Variants in GRIK1 observed in about 807,000 individuals in gnomAD.
GRIK1 encodes the protein glutamate ionotropic receptor kainate type subunit 1, also known as glutamate receptor ionotropic, kainate 1.
Under a neutral mutation model 105.7 loss-of-function variants are expected in GRIK1, and 69 were observed. The observed-to-expected ratio is 0.65, with a 90% CI of 0.54 to 0.80. The LOEUF is 0.80. Ranked by LOEUF, GRIK1 falls within the 30% of genes least tolerant of loss-of-function variation. The pLI is 0.00. For synonymous variants in GRIK1, 438 were observed against 431.3 expected, an observed-to-expected ratio of 1.02 and a Z score of -0.19; for missense variants, 1,109 against 1,167.3, an observed-to-expected ratio of 0.95 and a Z score of 0.73.
At chr21:29,909,272 A>G (rs898796132) in intron 1 of GRIK1, among the ~76,000 whole-genome samples, 41 of 152,078 alleles carry the variant, frequency 2.7e-4, no homozygotes, top group African/African-American at 8.9e-4. Context: ...CAAGAAAATC[A>G]TTTTACTGGC....
chr21:29,581,261 G>C (rs1446360392), intron 13 of GRIK1, among the ~76,000 whole-genome samples, 164 bp downstream of exon 13: 1 of 152,044 alleles, frequency 6.6e-6, no homozygotes, highest in Non-Finnish European at 1.5e-5. Context: ...TAGGTCATTG[G>C]TTTTGCTTCA....
intron 1 of GRIK1, among the ~76,000 whole-genome samples, chr21:29,899,410 A>T (rs1038321895): frequency 6.6e-6 from 1 of 152,120 alleles, no homozygotes; most frequent in Non-Finnish European, 1.5e-5. Context: ...GGCCTAATGG[A>T]TGTTTTAAAT....
At position 29,575,302 on chromosome 21, in the gene GRIK1, A is replaced by G. The variant is rs78220305; in HGVS notation, c.2130+1662T>C. Reference sequence around the variant, plus strand: ...ACAGTCCACTCAAAAAATAATAGACATTGGAGACTCAGAAGGGTGGGAGGG... The same window carrying G: ...ACAGTCCACTCAAAAAATAATAGACGTTGGAGACTCAGAAGGGTGGGAGGG... On this transcript the variant is annotated intron_variant, in intron 14 of 17. Coordinates refer to ENST00000327783, the MANE Select transcript of GRIK1 (RefSeq NM_001330994.2). Among the ~76,000 whole-genome samples, 135 of 151,956 alleles carry G rather than the reference A, an allele frequency of 8.9e-4. 3 individuals are homozygous for G. The East Asian group carries it at 0.02, about 23-fold the overall frequency.
At chr21:29,727,446 G>T (rs1051533437) in intron 1 of GRIK1, among the ~76,000 whole-genome samples, 1 of 152,092 alleles carries the variant, frequency 6.6e-6, no homozygotes, top group African/African-American at 2.4e-5. Context: ...ATTCTGTGCT[G>T]TCTGCAGTAG....
At chr21:29,706,660 T>G (rs2063914435) in intron 1 of GRIK1, among the ~76,000 whole-genome samples, 1 of 152,184 alleles carries the variant, frequency 6.6e-6, no homozygotes, top group South Asian at 2.1e-4. Context: ...AATACAGATA[T>G]CCAAGAAAGC....
intron 1 of GRIK1, among the ~76,000 whole-genome samples, chr21:29,769,714 T>A (rs1285744740): frequency 6.6e-6 from 1 of 151,996 alleles, no homozygotes; most frequent in Admixed American, 6.6e-5. Context: ...GGACTGGGGA[T>A]CCCTGATACA....
chr21:29,579,706 G>A (rs1473723336), intron 13 of GRIK1, among the ~76,000 whole-genome samples: 1 of 152,068 alleles, frequency 6.6e-6, no homozygotes, highest in Non-Finnish European at 1.5e-5. Flanking sequence ...TGTTGCACCT[G>A]ACAAATGTTT....
intron 1 of GRIK1, among the ~76,000 whole-genome samples, chr21:29,831,230 C>G (rs547192360): frequency 3.5e-4 from 54 of 152,290 alleles, no homozygotes; most frequent in African/African-American, 1.3e-3. Flanking sequence ...GAGCAGCCCA[C>G]TTGGTACTGT....
At chr21:29,781,739 C>T (rs1310907317) in intron 1 of GRIK1, among the ~76,000 whole-genome samples, 1 of 118,460 alleles carries the variant, frequency 8.4e-6, no homozygotes, top group African/African-American at 2.8e-5. Context: ...GGCGCAATCT[C>T]GGCTCACTGC....
At chr21:29,752,098 C>T (rs905900721) in intron 1 of GRIK1, among the ~76,000 whole-genome samples, 4 of 152,190 alleles carry the variant, frequency 2.6e-5, no homozygotes, top group African/African-American at 9.6e-5. Flanking sequence ...CATGACGTCT[C>T]CAAAGTTTCC....
chr21:29,558,681 T>C (rs1364140677), intron 15 of GRIK1, among the ~76,000 whole-genome samples: 1 of 150,768 alleles, frequency 6.6e-6, no homozygotes, highest in Non-Finnish European at 1.5e-5. Context: ...AATGGGTACC[T>C]TTGGATCTCT....
chr21:29,714,635 T>C (rs958844556), intron 1 of GRIK1, among the ~76,000 whole-genome samples: 7 of 152,160 alleles, frequency 4.6e-5, no homozygotes, highest in Non-Finnish European at 1.0e-4. Context: ...CTGAATGCAC[T>C]GCGATAAGTT....
intron 8 of GRIK1, among the ~76,000 whole-genome samples, chr21:29,598,058 G>T (rs1452795603): frequency 6.6e-6 from 1 of 152,132 alleles, no homozygotes; most frequent in Non-Finnish European, 1.5e-5. Context: ...TGCTTTGGGG[G>T]TTTCAATTGT....
At chr21:29,725,628 A>G (rs111329898) in intron 1 of GRIK1, among the ~76,000 whole-genome samples, 2,504 of 152,288 alleles carry the variant, frequency 0.016, 30 homozygotes, top group Middle Eastern at 0.044. Flanking sequence ...CCATAGCTTC[A>G]TTGTCGGAAA....
At position 29,598,717 on chromosome 21, in the gene GRIK1, A is replaced by C. The variant is rs1019053495; in HGVS notation, c.1206+113T>G. 2.4e-5 allele frequency: 13 copies of C among 536,240 alleles called. No individual in the cohort carries two copies. The South Asian group carries it at 4.0e-4, about 17-fold the overall frequency. The allele number at this position is 536,240 out of a possible 1,614,324, so 33.2% of individuals were successfully genotyped here. On this transcript the variant is annotated intron_variant, in intron 8 of 17. Transcript: ENST00000327783. ...AGAGAGATAAAAAACTGGATGTAAA[A>C]GAACATGCTTAGAGAATCACTTCAT...
At chr21:29,580,249 G>T (rs1387754204) in intron 13 of GRIK1, among the ~76,000 whole-genome samples, 1 of 150,852 alleles carries the variant, frequency 6.6e-6, no homozygotes, top group Admixed American at 6.6e-5. Flanking sequence ...GAAAGTAATT[G>T]CTCACAAGAT....
At chr21:29,699,539 G>T (rs1423731947) in intron 1 of GRIK1, among the ~76,000 whole-genome samples, 3 of 152,154 alleles carry the variant, frequency 2.0e-5, no homozygotes, top group African/African-American at 4.8e-5. Context: ...AGAACTGAGA[G>T]AAATTAAGTG....
intron 4 of GRIK1, among the ~76,000 whole-genome samples, chr21:29,665,786 A>T (rs531948241): frequency 1.3e-5 from 2 of 152,322 alleles, no homozygotes; most frequent in East Asian, 1.9e-4. Context: ...TGTGAGCAAC[A>T]TGGGTGATGT....
At chr21:29,791,071 A>T (rs890387155) in intron 1 of GRIK1, among the ~76,000 whole-genome samples, 1 of 152,164 alleles carries the variant, frequency 6.6e-6, no homozygotes, top group Non-Finnish European at 1.5e-5. Flanking sequence ...TCAGAGACCA[A>T]GAGTTGGGCA....
Sources: gnomAD v4.1 joint callset for allele counts (sites outside exome capture counted in the v4.1 genomes callset) on GRCh38, gnomAD v4.1.1 for gene constraint, MANE v1.5 for transcripts, NCBI Gene and HGNC (gene_info 2026-07-23, HGNC 2026-07-21) for gene names.